ASB5: variants seen among roughly 807,000 people sequenced by gnomAD.
ASB5 encodes ankyrin repeat and SOCS box protein 5.
ASB5 carries 45 observed loss-of-function variants against 42.1 expected under a neutral mutation model. The ratio of observed to expected loss-of-function variants is 1.07; its 90% CI spans 0.84 to 1.37. The LOEUF (loss-of-function observed/expected upper bound fraction) is 1.37. Among genes scored for constraint, ASB5 ranks in the 40% most tolerant of loss-of-function variants. The pLI is 0.00. For synonymous variants in ASB5, 147 were observed against 150.6 expected (o/e 0.98, Z 0.18); for missense variants, 402 against 399.8 (o/e 1.01, Z -0.05).
intron 1 of ASB5, among the ~76,000 whole-genome samples, chr4:176,230,681 C>T (rs1276925862): frequency 1.3e-5 from 2 of 152,146 alleles, no homozygotes; most frequent in Non-Finnish European, 2.9e-5. Flanking sequence ...CGAAATTTAG[C>T]AACTACGTAT....
chr4:176,273,126 T>A (rs1754501719), upstream of ASB5, among the ~76,000 whole-genome samples: 2 of 152,044 alleles, frequency 1.3e-5, no homozygotes, highest in Non-Finnish European at 2.9e-5. Flanking sequence ...TTTAAAAAAA[T>A]GTCTGGTAGA....
intron 1 of ASB5, among the ~76,000 whole-genome samples, chr4:176,231,944 C>A (rs1011406963): frequency 6.6e-6 from 1 of 152,082 alleles, no homozygotes; most frequent in Non-Finnish European, 1.5e-5. Context: ...AGAGAGCTAG[C>A]TTAGCAATGG....
At chr4:176,246,685 T>C (rs545726711) in intron 1 of ASB5, among the ~76,000 whole-genome samples, 17 of 152,234 alleles carry the variant, frequency 1.1e-4, no homozygotes, top group Non-Finnish European at 1.5e-4. Flanking sequence ...AGATACTTCC[T>C]TAAGAATGGT....
intron 5 of ASB5, among the ~76,000 whole-genome samples, chr4:176,218,387 TATAA>T (rs1181249941): frequency 1.1e-4 from 13 of 116,734 alleles, no homozygotes; most frequent in African/African-American, 3.9e-4. Context: ...ATGTATGATA[TATAA>T]ATATATATTT....
intron 5 of ASB5, among the ~76,000 whole-genome samples, chr4:176,218,067 T>C (rs1753023026): frequency 6.7e-6 from 1 of 149,548 alleles, no homozygotes; most frequent in African/African-American, 2.4e-5. Context: ...ATGTCAATTT[T>C]ATGGAAGAAA....
chr4:176,276,223 G>A (rs1373542531), intron 1 of ASB5, among the ~76,000 whole-genome samples: 1 of 152,108 alleles, frequency 6.6e-6, no homozygotes, highest in Non-Finnish European at 1.5e-5. Flanking sequence ...TGCACTGTAA[G>A]AGCTCAACAA....
chr4:176,259,536 A>G (rs1219197789), intron 1 of ASB5, among the ~76,000 whole-genome samples: 1 of 152,198 alleles, frequency 6.6e-6, no homozygotes, highest in Admixed American at 6.5e-5. Flanking sequence ...CTTGTAGTGC[A>G]TTGAGTCTGC....
chr4:176,228,476 A>G (rs1464814103), intron 1 of ASB5, among the ~76,000 whole-genome samples: 1 of 152,232 alleles, frequency 6.6e-6, no homozygotes, highest in Non-Finnish European at 1.5e-5. Flanking sequence ...AACTCCCAAA[A>G]GAAGACTAAT....
intron 5 of ASB5, among the ~76,000 whole-genome samples, chr4:176,220,384 C>T (rs556643605): frequency 3.3e-5 from 5 of 152,142 alleles, no homozygotes; most frequent in South Asian, 2.1e-4. Flanking sequence ...TATCAGGGAT[C>T]GAATGATTCT....
chr4:176,255,939 G>C (rs1396717059), intron 1 of ASB5, among the ~76,000 whole-genome samples: 1 of 152,086 alleles, frequency 6.6e-6, no homozygotes, highest in Non-Finnish European at 1.5e-5. Flanking sequence ...CACAGAACTG[G>C]ATTTCTATAA....
At chr4:176,243,027 T>C (rs982455513) in intron 1 of ASB5, among the ~76,000 whole-genome samples, 1 of 152,202 alleles carries the variant, frequency 6.6e-6, no homozygotes, top group Non-Finnish European at 1.5e-5. Flanking sequence ...ATATATTATC[T>C]ATATTTTCTT....
chr4:176,232,948 C>G (rs1753586205), intron 1 of ASB5, among the ~76,000 whole-genome samples: 1 of 152,164 alleles, frequency 6.6e-6, no homozygotes, highest in South Asian at 2.1e-4. Flanking sequence ...CTGGATTTAA[C>G]TATAAGATAG....
intron 1 of ASB5, among the ~76,000 whole-genome samples, chr4:176,237,846 G>A (rs1753723750): frequency 6.6e-6 from 1 of 152,218 alleles, no homozygotes; most frequent in Non-Finnish European, 1.5e-5. Flanking sequence ...AATGACTGCA[G>A]ACAGAATATT....
intron 1 of ASB5, among the ~76,000 whole-genome samples, chr4:176,250,261 G>C (rs896617274): frequency 6.6e-6 from 1 of 152,070 alleles, no homozygotes; most frequent in Non-Finnish European, 1.5e-5. Context: ...ATTCACAAAA[G>C]GTAGCTTGGG....
At chr4:176,251,665 A>C (rs772871831) in intron 1 of ASB5, among the ~76,000 whole-genome samples, 2 of 150,462 alleles carry the variant, frequency 1.3e-5, no homozygotes, top group African/African-American at 4.9e-5. Context: ...TGGAGAATCA[A>C]AAGGTGAACA....
intron 1 of ASB5, among the ~76,000 whole-genome samples, chr4:176,259,669 A>G (rs754186511): frequency 1.4e-4 from 21 of 152,184 alleles, no homozygotes; most frequent in Admixed American, 2.6e-4. Flanking sequence ...CAGATTTCCA[A>G]TGGATGGGCC....
chr4:176,240,269 T>C (rs1293275925), intron 1 of ASB5, among the ~76,000 whole-genome samples: 3 of 152,186 alleles, frequency 2.0e-5, no homozygotes, highest in East Asian at 1.9e-4. Flanking sequence ...AGATATACCA[T>C]AGATGAATGA....
chr4:176,260,532 G>C (rs1475806691), intron 1 of ASB5, among the ~76,000 whole-genome samples: 1 of 152,094 alleles, frequency 6.6e-6, no homozygotes, highest in Non-Finnish European at 1.5e-5. Flanking sequence ...CTCCCTCCCT[G>C]ACATGATATT....
intron 1 of ASB5, among the ~76,000 whole-genome samples, chr4:176,265,776 C>T (rs1454166): frequency 0.45 from 67,927 of 151,928 alleles, 15,909 homozygotes; most frequent in Admixed American, 0.53. Context: ...GCCTGGTAGT[C>T]TCCCTGTTGG....
Sources: gnomAD v4.1 joint callset for allele counts (sites outside exome capture counted in the v4.1 genomes callset) on GRCh38, gnomAD v4.1.1 for gene constraint, MANE v1.5 for transcripts, NCBI Gene and HGNC (gene_info 2026-07-23, HGNC 2026-07-21) for gene names.